Variants in TMEM108 observed in about 807,000 individuals in gnomAD.
TMEM108 encodes the protein cancer/testis antigen 124.
TMEM108 carries 12 observed loss-of-function variants against 35.1 expected under a neutral mutation model. The observed-to-expected ratio is 0.34, with a 90% confidence interval of 0.22 to 0.55. The LOEUF is 0.55. Ranked by LOEUF, TMEM108 falls within the 20% of genes least tolerant of loss-of-function variation. The probability of loss-of-function intolerance (pLI) is 0.89; values close to 1 mark genes in which losing one functional copy is unlikely to be tolerated. For missense variants in TMEM108, 680 were observed against 753.3 expected (o/e 0.90, Z 1.14); for synonymous variants, 287 against 308.6 (o/e 0.93, Z 0.73).
chr3:133,347,823 C>A (rs1019786794), intron 3 of TMEM108, among the ~76,000 whole-genome samples: 2 of 151,914 alleles, frequency 1.3e-5, no homozygotes, highest in African/African-American at 4.8e-5. Context: ...ATAATTGCAA[C>A]AGAAAAACTT....
chr3:133,069,345 T>C lies in TMEM108; in HGVS notation c.-47+23325T>C, dbSNP rs528500010. On this transcript the variant is annotated intron_variant, in intron 2 of 5. Transcript: ENST00000321871. ...TGGGTCTTTACATAAGAGAACCAGT[T>C]CTTTTTTAAAATAAACTAAGAAGTA... is the stretch of plus-strand genomic sequence containing the variant. Among the ~76,000 whole-genome samples the C allele has an allele frequency of 1.7e-4, 26 of 152,320 alleles. No homozygotes were observed. In the East Asian group the frequency reaches 4.6e-3, roughly 27 times the overall value.
Position 133,390,196 on chromosome 3 carries a change from G to C in TMEM108, c.1467G>C (p.Val489=), listed in dbSNP as rs769082242. The C allele has an allele frequency of 6.2e-7, 1 of 1,614,168 alleles. No individual in the cohort carries two copies. Among genetic ancestry groups the C allele is most frequent in the South Asian group, 1.1e-5 (1 of 91,072 alleles). The change falls in exon 5 of 6, where the codon GTG becomes GTC. Residue 489 remains valine (V), a synonymous_variant. Transcript: ENST00000321871. ...PISSCSVLLT[V]CCMKRKKKTA... ...TCTCCATAGCTGTCCTGCTGACGGT[G>C]TGCTGCATGAAGAGGAAGAAGAAGA...
At chr3:133,105,468 A>G (rs1026925767) in intron 2 of TMEM108, among the ~76,000 whole-genome samples, 3 of 152,122 alleles carry the variant, frequency 2.0e-5, no homozygotes, top group African/African-American at 7.2e-5. Flanking sequence ...TCTGCTTTTA[A>G]GGACTCGGGT....
chr3:133,229,732 G>C (rs1946124899), intron 3 of TMEM108, among the ~76,000 whole-genome samples: 1 of 152,198 alleles, frequency 6.6e-6, no homozygotes, highest in South Asian at 2.1e-4. Context: ...ACCTGCTGTA[G>C]ATTCCTCATG....
At position 133,229,140 on chromosome 3, in the gene TMEM108, C is replaced by A. The variant is rs1559875446; in HGVS notation, c.-46-126C>A. The A allele has an allele frequency of 6.8e-6, 4 of 589,950 alleles. No homozygotes were observed. In the South Asian group the frequency reaches 9.2e-5, roughly 14 times the overall value. 36.5% of individuals were successfully genotyped at this position (589,950 alleles called of 1,614,324 possible). On this transcript the variant is annotated intron_variant, in intron 2 of 5. Transcript: ENST00000321871. ...AAATTAAACTGTGGTGTATTTATCC[C>A]AAGATTTTTTCTCTTTGAAATTGGG...
intron 2 of TMEM108, among the ~76,000 whole-genome samples, chr3:133,177,601 A>T (rs1412411406): frequency 3.9e-5 from 6 of 152,012 alleles, no homozygotes; most frequent in African/African-American, 1.4e-4. Flanking sequence ...AAAAGGCCTT[A>T]GACAAAATTC....
At chr3:133,198,613 A>G (rs73009323) in intron 2 of TMEM108, among the ~76,000 whole-genome samples, 2,795 of 152,350 alleles carry the variant, frequency 0.018, 95 homozygotes, top group African/African-American at 0.063. Context: ...TAGACCTTAC[A>G]TCATGTGAAC....
At chr3:133,080,082 A>G (rs1391779510) in intron 2 of TMEM108, among the ~76,000 whole-genome samples, 2 of 152,068 alleles carry the variant, frequency 1.3e-5, no homozygotes, top group Admixed American at 6.5e-5. Context: ...ATGCTTGATA[A>G]AATAGTGCTG....
At chr3:133,204,109 T>C (rs1156962413) in intron 2 of TMEM108, among the ~76,000 whole-genome samples, 2 of 152,158 alleles carry the variant, frequency 1.3e-5, no homozygotes, top group Non-Finnish European at 2.9e-5. Context: ...TCTCTGATGG[T>C]AGTTTGTATT....
At chr3:133,122,314 G>T (rs555285061) in intron 2 of TMEM108, among the ~76,000 whole-genome samples, 1 of 152,180 alleles carries the variant, frequency 6.6e-6, no homozygotes, top group South Asian at 2.1e-4. Context: ...AGTTTTTGAG[G>T]TACTAATGTC....
intron 3 of TMEM108, among the ~76,000 whole-genome samples, chr3:133,276,533 A>C (rs900946386): frequency 2.6e-5 from 4 of 152,218 alleles, no homozygotes; most frequent in African/African-American, 9.6e-5. Context: ...ACTGTCTTAA[A>C]GCCCTTAAGA....
intron 3 of TMEM108, among the ~76,000 whole-genome samples, chr3:133,288,554 T>C (rs1947017609): frequency 6.6e-6 from 1 of 152,174 alleles, no homozygotes; most frequent in South Asian, 2.1e-4. Flanking sequence ...CTGTTCCCTG[T>C]GATCATGGGT....
At chr3:133,078,387 G>A (rs1227975077) in intron 2 of TMEM108, among the ~76,000 whole-genome samples, 1 of 152,092 alleles carries the variant, frequency 6.6e-6, no homozygotes, top group Non-Finnish European at 1.5e-5. Context: ...ACTAGGCGGT[G>A]TCTGATACCC....
chr3:133,354,801 A>AT (rs10536121), intron 3 of TMEM108, among the ~76,000 whole-genome samples: 107 of 150,046 alleles, frequency 7.1e-4, no homozygotes, highest in African/African-American at 2.6e-3. Context: ...TCATATAACC[A>AT]TTTTTTTTTC....
chr3:133,259,566 T>C (rs1256537964), intron 3 of TMEM108, among the ~76,000 whole-genome samples: 1 of 152,224 alleles, frequency 6.6e-6, no homozygotes, highest in Non-Finnish European at 1.5e-5. Flanking sequence ...AATAAATAAT[T>C]GAATTAAGAT....
chr3:133,289,124 G>A (rs1392136993), intron 3 of TMEM108, among the ~76,000 whole-genome samples: 1 of 152,104 alleles, frequency 6.6e-6, no homozygotes, highest in Non-Finnish European at 1.5e-5. Flanking sequence ...ATGGGGAGTG[G>A]AGCATAGAAG....
chr3:133,264,576 A>G (rs913140024), intron 3 of TMEM108, among the ~76,000 whole-genome samples: 7 of 152,194 alleles, frequency 4.6e-5, no homozygotes, highest in African/African-American at 1.2e-4. Context: ...AGTTGTCATT[A>G]TATTGTTTCT....
intron 3 of TMEM108, among the ~76,000 whole-genome samples, chr3:133,259,061 A>G (rs139066253): frequency 6.6e-6 from 1 of 152,334 alleles, no homozygotes; most frequent in East Asian, 1.9e-4. Context: ...TAGCAAGTCC[A>G]CTAACATTTC....
At chr3:133,340,299 G>A (rs377176961) in intron 3 of TMEM108, among the ~76,000 whole-genome samples, 37 of 151,682 alleles carry the variant, frequency 2.4e-4, no homozygotes, top group Admixed American at 2.1e-3. Flanking sequence ...AGTGGCTATC[G>A]TGAGCAACTA....
Sources: allele counts gnomAD v4.1 joint callset (sites outside exome capture counted in the v4.1 genomes callset), GRCh38; gene constraint gnomAD v4.1.1; transcripts MANE v1.5; gene names NCBI Gene and HGNC (gene_info 2026-07-23, HGNC 2026-07-21).